Variants in CAMK2D observed in about 807,000 individuals in gnomAD.
CAMK2D encodes the protein calcium/calmodulin-dependent protein kinase type II subunit delta.
Under a neutral mutation model 84.0 loss-of-function variants are expected in CAMK2D, and 37 were observed. The observed-to-expected ratio is 0.44, with a 90% CI of 0.34 to 0.58. CAMK2D has a LOEUF of 0.58. Ranked by LOEUF, CAMK2D falls within the 20% of genes least tolerant of loss-of-function variation. The pLI, the probability that CAMK2D is intolerant of heterozygous loss-of-function variation, is 0.02. For synonymous variants in CAMK2D, 202 were observed against 212.5 expected, an observed-to-expected ratio of 0.95 and a Z score of 0.43; for missense variants, 448 against 652.5, an observed-to-expected ratio of 0.69 and a Z score of 3.41.
At chr4:113,759,000 G>A (rs1277015497) in intron 2 of CAMK2D, 1 of 164,984 alleles carries the variant, frequency 6.1e-6, no homozygotes, top group African/African-American at 2.4e-5. Flanking sequence ...TCCATTCCAT[G>A]GTCTAAAAGT....
At chr4:113,494,568 C>T (rs919388473) in intron 16 of CAMK2D, among the ~76,000 whole-genome samples, 1 of 152,240 alleles carries the variant, frequency 6.6e-6, no homozygotes, top group African/African-American at 2.4e-5. Flanking sequence ...ACATTTAAGT[C>T]TGCAGAGATT....
At chr4:113,477,603 A>G (rs538127596) in intron 16 of CAMK2D, among the ~76,000 whole-genome samples, 138 of 152,006 alleles carry the variant, frequency 9.1e-4, no homozygotes, top group Non-Finnish European at 1.8e-3. Context: ...AAAATTAGCC[A>G]GGTGTGGTGG....
chr4:113,688,131 A>G (rs189217896), intron 2 of CAMK2D, among the ~76,000 whole-genome samples: 247 of 152,312 alleles, frequency 1.6e-3, no homozygotes, highest in African/African-American at 5.3e-3. Context: ...AATGTAATCT[A>G]TCAAAACTAT....
intron 2 of CAMK2D, among the ~76,000 whole-genome samples, chr4:113,752,113 G>C (rs1006001420): frequency 1.3e-5 from 2 of 151,922 alleles, no homozygotes; most frequent in Non-Finnish European, 2.9e-5. Flanking sequence ...AGCTCTCGGG[G>C]AGATACAAAG....
chr4:113,644,431 C>G (rs533074743), intron 3 of CAMK2D, among the ~76,000 whole-genome samples: 3 of 152,172 alleles, frequency 2.0e-5, no homozygotes, highest in Non-Finnish European at 4.4e-5. Context: ...TAAAGGGAAG[C>G]CTTGAGTAGT....
intron 12 of CAMK2D, among the ~76,000 whole-genome samples, chr4:113,509,969 A>G (rs535057310): frequency 6.6e-6 from 1 of 152,336 alleles, no homozygotes; most frequent in South Asian, 2.1e-4. Flanking sequence ...TGTGAAAAGG[A>G]TACTGGAACT....
At chr4:113,567,512 G>T (rs933849682) in intron 4 of CAMK2D, among the ~76,000 whole-genome samples, 67 of 151,958 alleles carry the variant, frequency 4.4e-4, no homozygotes, top group African/African-American at 1.6e-3. Flanking sequence ...GTTATACAGG[G>T]GGAAATCTTA....
At chr4:113,678,804 G>T (rs955429835) in intron 2 of CAMK2D, among the ~76,000 whole-genome samples, 3 of 151,974 alleles carry the variant, frequency 2.0e-5, no homozygotes, top group Admixed American at 1.3e-4. Flanking sequence ...CCAATTTTTT[G>T]AATATTTAAG....
chr4:113,490,724 A>G (rs1392509001), intron 16 of CAMK2D, among the ~76,000 whole-genome samples: 1 of 149,700 alleles, frequency 6.7e-6, no homozygotes, highest in Non-Finnish European at 1.5e-5. Flanking sequence ...TCTGTAAATT[A>G]CCTTGGGCAG....
At chr4:113,744,961 TCTC>T in intron 2 of CAMK2D, among the ~76,000 whole-genome samples, 1 of 152,302 alleles carries the variant, frequency 6.6e-6, no homozygotes, top group East Asian at 1.9e-4. Flanking sequence ...GATTCTCACT[TCTC>T]AACTAGTTAC....
chr4:113,590,354 A>G (rs2098863267), intron 4 of CAMK2D, among the ~76,000 whole-genome samples: 1 of 152,208 alleles, frequency 6.6e-6, no homozygotes, highest in African/African-American at 2.4e-5. Flanking sequence ...AAATGGAAAT[A>G]TATCAGACAC....
intron 5 of CAMK2D, among the ~76,000 whole-genome samples, chr4:113,549,553 A>G (rs887117139): frequency 3.3e-5 from 5 of 152,198 alleles, no homozygotes; most frequent in African/African-American, 1.2e-4. Context: ...TGCTAATTAG[A>G]GAGGAGAAAT....
chr4:113,751,946 C>T (rs2099618319), intron 2 of CAMK2D, among the ~76,000 whole-genome samples: 1 of 151,598 alleles, frequency 6.6e-6, no homozygotes, highest in Admixed American at 6.6e-5. Flanking sequence ...ACATATACCA[C>T]ACAAAATAAA....
intron 4 of CAMK2D, among the ~76,000 whole-genome samples, chr4:113,576,197 G>A: frequency 6.6e-6 from 1 of 151,920 alleles, no homozygotes; most frequent in Non-Finnish European, 1.5e-5. Flanking sequence ...TGCCACGCCT[G>A]GCCCCTGAAA....
chr4:113,574,663 T>C (rs2098771644), intron 4 of CAMK2D, among the ~76,000 whole-genome samples: 1 of 152,210 alleles, frequency 6.6e-6, no homozygotes. Context: ...AAGGAAGCTG[T>C]GAAGCAAGAT....
At chr4:113,570,230 C>T (rs2098746008) in intron 4 of CAMK2D, among the ~76,000 whole-genome samples, 1 of 151,878 alleles carries the variant, frequency 6.6e-6, no homozygotes, top group African/African-American at 2.4e-5. Context: ...CTATGCAATC[C>T]CTACCAAAAT....
At chr4:113,530,076 T>C (rs969561659) in intron 8 of CAMK2D, among the ~76,000 whole-genome samples, 2 of 152,260 alleles carry the variant, frequency 1.3e-5, no homozygotes, top group Admixed American at 6.5e-5. Flanking sequence ...GAACTTCTAC[T>C]GTAAGTCGAT....
intron 2 of CAMK2D, among the ~76,000 whole-genome samples, chr4:113,701,016 G>A (rs1202066488): frequency 6.6e-6 from 1 of 150,662 alleles, no homozygotes; most frequent in East Asian, 1.9e-4. Flanking sequence ...TACTGATGAT[G>A]CATGAAATCA....
chr4:113,683,003 T>C (rs1307084456), intron 2 of CAMK2D, among the ~76,000 whole-genome samples: 1 of 152,224 alleles, frequency 6.6e-6, no homozygotes. Context: ...ACATGATCTA[T>C]AATGCAGAAA....
Sources: gnomAD v4.1 joint callset for allele counts (sites outside exome capture counted in the v4.1 genomes callset) on GRCh38, gnomAD v4.1.1 for gene constraint, MANE v1.5 for transcripts, NCBI Gene and HGNC (gene_info 2026-07-23, HGNC 2026-07-21) for gene names.